SHOC2: variants seen among roughly 807,000 people sequenced by gnomAD.
The protein encoded by SHOC2 is leucine-rich repeat protein SHOC-2.
A neutral mutation model predicts 50.2 loss-of-function variants in SHOC2; 4 were observed. That is an observed-to-expected ratio of 0.08 (90% CI 0.04 to 0.18). The LOEUF is 0.18. Ranked by LOEUF, SHOC2 falls within the 10% of genes least tolerant of loss-of-function variation. SHOC2 has a pLI of 1.00. For missense variants in SHOC2, 388 were observed against 669.6 expected (o/e 0.58, Z 4.64); for synonymous variants, 218 against 244.5 (o/e 0.89, Z 1.01).
chr10:110,978,384 C>A (rs146510525), intron 2 of SHOC2, among the ~76,000 whole-genome samples: 16 of 152,084 alleles, frequency 1.1e-4, no homozygotes, highest in Non-Finnish European at 2.2e-4. Flanking sequence ...TTCTGCTAGG[C>A]GGTTAAATTG....
intron 1 of SHOC2, among the ~76,000 whole-genome samples, chr10:110,956,009 C>T (rs1248124165): frequency 6.6e-6 from 1 of 152,036 alleles, no homozygotes; most frequent in African/African-American, 2.4e-5. Context: ...TAAATATATG[C>T]TTTTTAATTA....
At position 111,011,862 on chromosome 10, in the gene SHOC2, A is replaced by C. The variant is rs758762850; in HGVS notation, c.*44A>C. ...ACACACTGTTCAAAAATAGACTGCCATTAATGTTTCTTATCTATATCTGTA... is the reference window on the plus strand; with the variant it reads ...ACACACTGTTCAAAAATAGACTGCCCTTAATGTTTCTTATCTATATCTGTA... On this transcript the variant is annotated 3_prime_UTR_variant, in exon 9 of 9. Coordinates refer to ENST00000369452, the MANE Select transcript of SHOC2 (RefSeq NM_007373.4). The C allele has an allele frequency of 1.4e-6, 2 of 1,437,772 alleles. No homozygotes were observed. Among genetic ancestry groups the C allele is most frequent in the Non-Finnish European group, 2.0e-6 (2 of 1,020,028 alleles). The allele number at this position is 1,437,772 out of a possible 1,614,324, so 89.1% of individuals were successfully genotyped here.
Position 110,964,289 on chromosome 10 carries a change from C to G in SHOC2, c.-70C>G. ...TTTTGATTGTGTAGGATCTTTGTCT[C>G]TTCATCTTTGAATTCAATTACTGGA... On this transcript the variant is annotated 5_prime_UTR_variant, in exon 2 of 9. Transcript: ENST00000369452. The surrounding 1 kb of genome is among the most constrained non-coding windows in gnomAD (Gnocchi z 4.9). 2 of 1,565,132 alleles carry G rather than the reference C, an allele frequency of 1.3e-6. No individual in the cohort carries two copies. Among genetic ancestry groups the G allele is most frequent in the Non-Finnish European group, 8.6e-7 (1 of 1,156,950 alleles).
At chr10:110,981,979 A>G (rs1354323223) in intron 2 of SHOC2, among the ~76,000 whole-genome samples, 1 of 139,578 alleles carries the variant, frequency 7.2e-6, no homozygotes, top group African/African-American at 2.6e-5. Context: ...AGCATTAGGT[A>G]TATCTCCCGA....
rs140636146 is a variant in SHOC2, at chr10:111,001,042, T to A, written c.972+497T>A. The stretch of plus-strand genomic sequence containing the variant: ...CAATAATATTAAGGCCTATTTAGTA[T>A]AGAACAATCGCCAGAATCTTTTTTT... On this transcript the variant is annotated intron_variant, in intron 4 of 8. Transcript: ENST00000369452. Among the ~76,000 whole-genome samples the A allele has an allele frequency of 2.3e-3, 330 of 144,880 alleles. 1 individual carries two copies. The highest frequency in any genetic ancestry group is 7.7e-3 in the African/African-American group (307 of 39,624).
At chr10:110,940,339 T>G (rs1405467612) in intron 1 of SHOC2, among the ~76,000 whole-genome samples, 1 of 152,186 alleles carries the variant, frequency 6.6e-6, no homozygotes, top group Non-Finnish European at 1.5e-5. Context: ...CTGTGCCTCT[T>G]TCAGAGATGC....
chr10:110,933,638 A>G (rs1485711537), intron 1 of SHOC2, among the ~76,000 whole-genome samples: 1 of 152,192 alleles, frequency 6.6e-6, no homozygotes, highest in Non-Finnish European at 1.5e-5. Context: ...GATTTTCGTC[A>G]TTAAGAAGTA....
At chr10:110,943,509 A>G (rs766708863) in intron 1 of SHOC2, among the ~76,000 whole-genome samples, 9 of 152,188 alleles carry the variant, frequency 5.9e-5, no homozygotes, top group Non-Finnish European at 1.2e-4. Context: ...GTTTTCCTTT[A>G]GTTCATTGAA....
At chr10:110,940,807 A>G (rs1425131458) in intron 1 of SHOC2, among the ~76,000 whole-genome samples, 1 of 151,824 alleles carries the variant, frequency 6.6e-6, no homozygotes, top group African/African-American at 2.4e-5. Context: ...CGTTTTTTAG[A>G]ATGTTTGGAT....
chr10:110,990,361 G>A (rs997632628), intron 3 of SHOC2, among the ~76,000 whole-genome samples: 3 of 151,700 alleles, frequency 2.0e-5, no homozygotes, highest in Admixed American at 6.6e-5. Context: ...TGGTGGGGAC[G>A]TGGAGAACCT....
intron 2 of SHOC2, among the ~76,000 whole-genome samples, chr10:110,976,973 A>T (rs1370447977): frequency 6.6e-6 from 1 of 151,718 alleles, no homozygotes; most frequent in Non-Finnish European, 1.5e-5. Flanking sequence ...TTTTATTGCT[A>T]TTTTTTTGTT....
chr10:110,968,627 A>G (rs1847721587), intron 2 of SHOC2, among the ~76,000 whole-genome samples: 1 of 151,824 alleles, frequency 6.6e-6, no homozygotes, highest in Non-Finnish European at 1.5e-5. Flanking sequence ...GTTTTTATTC[A>G]GCAGTATATT....
chr10:110,929,290 C>T (rs1846840599), intron 1 of SHOC2, among the ~76,000 whole-genome samples: 1 of 152,096 alleles, frequency 6.6e-6, no homozygotes. Flanking sequence ...CTTCCAAGAG[C>T]AACTAAGAAT....
Position 110,936,897 on chromosome 10 carries a change from C to A in SHOC2, c.-235+17240C>A, listed in dbSNP as rs574863093. The stretch of plus-strand genomic sequence containing the variant: ...GGAACCACCATCCGCTTTTTCTTGT[C>A]GTAAGGCGGTGGGATGCAGTCAAAC... On this transcript the variant is annotated intron_variant, in intron 1 of 8. Coordinates refer to ENST00000369452, the MANE Select transcript of SHOC2 (RefSeq NM_007373.4). 5.1e-6 allele frequency: 7 copies of A among 1,381,878 alleles called. No individual in the cohort carries two copies. In the South Asian group the frequency reaches 5.8e-5, roughly 11 times the overall value. The allele number at this position is 1,381,878 out of a possible 1,614,324, so 85.6% of individuals were successfully genotyped here. A position where few individuals can be genotyped will look rare whatever the true frequency, so the allele number is the denominator to read the frequency against.
intron 1 of SHOC2, among the ~76,000 whole-genome samples, chr10:110,926,906 G>A (rs1319050252): frequency 6.6e-6 from 1 of 152,156 alleles, no homozygotes; most frequent in African/African-American, 2.4e-5. Flanking sequence ...TGAAAATACT[G>A]ATCAGTGCAG....
At chr10:110,994,364 T>C (rs1049878326) in intron 3 of SHOC2, among the ~76,000 whole-genome samples, 1 of 152,154 alleles carries the variant, frequency 6.6e-6, no homozygotes, top group Non-Finnish European at 1.5e-5. Flanking sequence ...TTAGTGGAAA[T>C]AAAAATGATA....
At chr10:110,976,686 A>G (rs1458874706) in intron 2 of SHOC2, among the ~76,000 whole-genome samples, 1 of 152,008 alleles carries the variant, frequency 6.6e-6, no homozygotes, top group Non-Finnish European at 1.5e-5. Flanking sequence ...CCCCCTCAGT[A>G]TTTTAGAGAC....
intron 2 of SHOC2, among the ~76,000 whole-genome samples, chr10:110,977,103 A>G (rs756685631): frequency 1.3e-5 from 2 of 151,748 alleles, no homozygotes; most frequent in Non-Finnish European, 2.9e-5. Context: ...TTTTTATTCA[A>G]GTTTTCTTTA....
At position 111,009,508 on chromosome 10, in the gene SHOC2, G is replaced by A. The variant is rs1430605139; in HGVS notation, c.1422+123G>A. On this transcript the variant is annotated intron_variant, in intron 7 of 8. Transcript: ENST00000369452. ...TAGACTTTCCTATTCTAGTATTAGGGCTGAGTTTTATGTTCATATAACCTG... is the reference window on the plus strand; with the variant it reads ...TAGACTTTCCTATTCTAGTATTAGGACTGAGTTTTATGTTCATATAACCTG... The A allele has an allele frequency of 6.4e-6, 6 of 942,430 alleles. No individual in the cohort carries two copies. The East Asian group carries it at 7.8e-5, about 12-fold the overall frequency. 58.4% of individuals were successfully genotyped at this position (942,430 alleles called of 1,614,324 possible).
Sources: gnomAD v4.1 joint callset for allele counts (sites outside exome capture counted in the v4.1 genomes callset) on GRCh38, gnomAD v4.1.1 for gene constraint, Gnocchi (gnomAD v3.1) non-coding constraint, MANE v1.5 for transcripts, NCBI Gene and HGNC (gene_info 2026-07-23, HGNC 2026-07-21) for gene names.